The following DPP10 variants were observed in gnomAD, a reference collection of about 807,000 sequenced individuals.
DPP10 encodes dipeptidyl peptidase like 10.
Under a neutral mutation model 120.9 loss-of-function variants are expected in DPP10, and 33 were observed. The observed-to-expected ratio is 0.27, with a 90% CI of 0.21 to 0.37. The LOEUF (loss-of-function observed/expected upper bound fraction) is 0.37. Ranked by LOEUF, DPP10 falls within the 10% of genes least tolerant of loss-of-function variation. The pLI is 1.00. For synonymous variants in DPP10, 337 were observed against 326.1 expected (o/e 1.03, Z -0.36); for missense variants, 816 against 942.8 (o/e 0.87, Z 1.76).
chr2:115,087,094 G>T lies in DPP10; in HGVS notation c.61-222145G>T. On this transcript the variant is annotated intron_variant, in intron 1 of 25. Transcript: ENST00000410059. Reference sequence around the variant, plus strand: ...TGGCACTGTGTATTCCAAGTCGAGCGTATTCTTTAATGTGTTTTTATTTTG... The same window carrying T: ...TGGCACTGTGTATTCCAAGTCGAGCTTATTCTTTAATGTGTTTTTATTTTG... 1.3e-5 allele frequency among the ~76,000 whole-genome samples: 2 copies of T among 152,238 alleles called. 1 individual carries two copies. The highest frequency in any genetic ancestry group is 4.1e-4 in the South Asian group (2 of 4,824).
chr2:115,593,188 G>A (rs2082778744), intron 5 of DPP10, among the ~76,000 whole-genome samples: 1 of 152,146 alleles, frequency 6.6e-6, no homozygotes, highest in South Asian at 2.1e-4. Flanking sequence ...CATTCCAAGA[G>A]GTGGCATTGC....
chr2:115,824,948 T>C (rs892488565), intron 21 of DPP10, among the ~76,000 whole-genome samples: 1 of 152,184 alleles, frequency 6.6e-6, no homozygotes, highest in Non-Finnish European at 1.5e-5. Context: ...CTAAACCTAT[T>C]ACATGGATAC....
At chr2:114,822,121 C>A (rs111794252) in intron 1 of DPP10, among the ~76,000 whole-genome samples, 65 of 152,086 alleles carry the variant, frequency 4.3e-4, no homozygotes, top group African/African-American at 1.5e-3. Flanking sequence ...CAGAGGTTCT[C>A]CATGACGGCT....
At chr2:115,499,714 G>A in intron 4 of DPP10, 110 bp downstream of exon 4, 1 of 666,656 alleles carries the variant, frequency 1.5e-6, no homozygotes, top group Non-Finnish European at 2.3e-6. Context: ...AGCATTTCAG[G>A]TGAAAAGTTG....
At chr2:114,554,981 T>C (rs1322055122) in intron 1 of DPP10, among the ~76,000 whole-genome samples, 1 of 152,052 alleles carries the variant, frequency 6.6e-6, no homozygotes, top group East Asian at 1.9e-4. Context: ...TCCCAGCCAG[T>C]GAGTGAGCAA....
At chr2:114,473,105 T>C (rs1002598048) in intron 1 of DPP10, among the ~76,000 whole-genome samples, 6 of 152,208 alleles carry the variant, frequency 3.9e-5, no homozygotes, top group Non-Finnish European at 7.3e-5. Context: ...TCATTTTTTT[T>C]CTCCTTTGGC....
At chr2:115,246,882 C>G (rs2058560035) in intron 1 of DPP10, among the ~76,000 whole-genome samples, 1 of 152,092 alleles carries the variant, frequency 6.6e-6, no homozygotes, top group South Asian at 2.1e-4. Flanking sequence ...GAAGTCCTTC[C>G]TCCGAACCAG....
At chr2:115,550,862 G>T (rs1175066970) in intron 5 of DPP10, among the ~76,000 whole-genome samples, 2 of 152,128 alleles carry the variant, frequency 1.3e-5, no homozygotes, top group African/African-American at 4.8e-5. Context: ...CTTGTTTAAA[G>T]AACTGAACTC....
intron 3 of DPP10, among the ~76,000 whole-genome samples, chr2:115,467,509 A>T (rs568714493): frequency 6.6e-6 from 1 of 151,252 alleles, no homozygotes; most frequent in African/African-American, 2.4e-5. Flanking sequence ...CCCGGGAGGC[A>T]GAGGTTGCAG....
intron 1 of DPP10, among the ~76,000 whole-genome samples, chr2:114,465,684 G>T (rs1417572963): frequency 1.3e-5 from 2 of 152,092 alleles, no homozygotes; most frequent in African/African-American, 4.8e-5. Context: ...TAAAATAATA[G>T]AAGTATTTTT....
chr2:115,486,181 C>G (rs953997728), intron 3 of DPP10, among the ~76,000 whole-genome samples: 1 of 151,954 alleles, frequency 6.6e-6, no homozygotes, highest in African/African-American at 2.4e-5. Flanking sequence ...TCTTCTATCA[C>G]CTTTTGTATG....
chr2:115,436,364 C>T (rs1278098196), intron 3 of DPP10, among the ~76,000 whole-genome samples: 1 of 150,674 alleles, frequency 6.6e-6, no homozygotes, highest in Non-Finnish European at 1.5e-5. Context: ...ATATCATTAA[C>T]TCTTTTAAAT....
At chr2:115,245,875 G>A (rs140596294) in intron 1 of DPP10, among the ~76,000 whole-genome samples, 1 of 152,024 alleles carries the variant, frequency 6.6e-6, no homozygotes, top group African/African-American at 2.4e-5. Flanking sequence ...TTAAAGTTTG[G>A]CATTAATTAA....
chr2:114,815,402 TA>T (rs1434915145), intron 1 of DPP10, among the ~76,000 whole-genome samples: 1 of 152,142 alleles, frequency 6.6e-6, no homozygotes, highest in African/African-American at 2.4e-5. Context: ...ACACATTAGC[TA>T]GGAAGTTTGG....
At chr2:115,345,396 A>G (rs1192965046) in intron 3 of DPP10, among the ~76,000 whole-genome samples, 2 of 152,202 alleles carry the variant, frequency 1.3e-5, no homozygotes, top group African/African-American at 4.8e-5. Context: ...CCAAATACAC[A>G]AATCTCTCAT....
chr2:114,466,016 A>ATCAC (rs1679339945), intron 1 of DPP10, among the ~76,000 whole-genome samples: 1 of 152,188 alleles, frequency 6.6e-6, no homozygotes, highest in South Asian at 2.1e-4. Flanking sequence ...TGCCTCTGGA[A>ATCAC]TCACTATTCC....
At chr2:114,593,740 G>A (rs995592192) in intron 1 of DPP10, among the ~76,000 whole-genome samples, 2 of 152,146 alleles carry the variant, frequency 1.3e-5, no homozygotes, top group African/African-American at 4.8e-5. Context: ...AGAGCCAGAG[G>A]AAGCCTTGCT....
chr2:115,027,950 T>G (rs1383592465), intron 1 of DPP10, among the ~76,000 whole-genome samples: 3 of 152,062 alleles, frequency 2.0e-5, no homozygotes, highest in Non-Finnish European at 4.4e-5. Flanking sequence ...AGTTAGTTGT[T>G]ATGTCTCCTT....
intron 1 of DPP10, among the ~76,000 whole-genome samples, chr2:114,487,196 T>C (rs1681590065): frequency 6.6e-6 from 1 of 152,222 alleles, no homozygotes; most frequent in Non-Finnish European, 1.5e-5. Flanking sequence ...AAAGTTCAAA[T>C]ATTTCCTGTA....
Sources: gnomAD v4.1 joint callset for allele counts (sites outside exome capture counted in the v4.1 genomes callset) on GRCh38, gnomAD v4.1.1 for gene constraint, MANE v1.5 for transcripts, NCBI Gene and HGNC (gene_info 2026-07-23, HGNC 2026-07-21) for gene names.